NTNG2: variants seen among roughly 807,000 people sequenced by gnomAD.
NTNG2 encodes the protein netrin G2.
Under a neutral mutation model 47.6 loss-of-function variants are expected in NTNG2, and 15 were observed. The observed-to-expected ratio is 0.32, with a 90% CI of 0.21 to 0.49. NTNG2 has a LOEUF of 0.49. Ranked by LOEUF, NTNG2 falls within the 20% of genes least tolerant of loss-of-function variation. The pLI is 0.99. For missense variants in NTNG2, 578 were observed against 764.6 expected (o/e 0.76, Z 2.88); for synonymous variants, 307 against 324.6 (o/e 0.95, Z 0.58).
In NTNG2 at chr9:132,241,005, G is replaced by A; in HGVS notation, c.1318G>A (p.Asp440Asn). Residue 440 changes from aspartate to asparagine, a missense_variant, in exon 7 of 8, where the codon GAC (aspartate) becomes AAC (asparagine). Asp to Asn is a conservative substitution (Grantham distance 23). Coordinates refer to ENST00000393229, the MANE Select transcript of NTNG2 (RefSeq NM_032536.4). ...GGGCGCGGCGGGCCCCAAGTGCGAC[G>A]ACTGCCTCCCCACGCACTACTGGCG... ...REGAAGPKCD[D>N]CLPTHYWRQG... is the part of the protein sequence containing the mutation. The A allele has an allele frequency of 1.2e-6, 2 of 1,609,250 alleles. No homozygotes were observed. The highest frequency in any genetic ancestry group is 1.7e-6 in the Non-Finnish European group (2 of 1,179,334).
At chr9:132,230,520 C>G in intron 4 of NTNG2, 52 bp from the exon 5 acceptor site, 2 of 1,564,156 alleles carry the variant, frequency 1.3e-6, no homozygotes, top group Non-Finnish European at 1.7e-6. Flanking sequence ...GGAGGTGACA[C>G]CCAGGCCCCT....
chr9:132,167,214 A>G (rs548428016), intron 2 of NTNG2, among the ~76,000 whole-genome samples, 170 bp downstream of exon 2: 1 of 152,280 alleles, frequency 6.6e-6, no homozygotes, highest in South Asian at 2.1e-4. Flanking sequence ...CACCTTGGAA[A>G]TGTGTCAAAA....
At chr9:132,211,538 C>T (rs1231635601) in intron 3 of NTNG2, among the ~76,000 whole-genome samples, 2 of 152,154 alleles carry the variant, frequency 1.3e-5, no homozygotes, top group Admixed American at 1.3e-4. Context: ...CTCTGAGACT[C>T]CCAAGATCAG....
intron 3 of NTNG2, among the ~76,000 whole-genome samples, chr9:132,223,884 C>A (rs1248419600): frequency 1.3e-5 from 2 of 152,164 alleles, no homozygotes; most frequent in African/African-American, 4.8e-5. Context: ...GAGTAAAATC[C>A]CGCCTCCGTC....
In NTNG2 at chr9:132,213,345, AAAAAAAAAAAAAAAAAG is replaced by A. The variant is rs1184303196; in HGVS notation, c.858-13501_858-13485del. ...AGACTCCATCTCAAAAAAAAAAAAA[AAAAAAAAAAAAAAAAAG>A]AAGGACTTGAGAGGATTTCCATTAG... On this transcript the variant is annotated intron_variant, in intron 3 of 7. Coordinates refer to ENST00000393229, the MANE Select transcript of NTNG2 (RefSeq NM_032536.4). Among the ~76,000 whole-genome samples, 105 of 28,356 alleles carry A rather than the reference AAAAAAAAAAAAAAAAAG, an allele frequency of 3.7e-3. No individual in the cohort carries two copies. In the African/African-American group the frequency reaches 0.1, roughly 28 times the overall value. 18.6% of individuals were successfully genotyped at this position (28,356 alleles called of 152,430 possible). A position where few individuals can be genotyped will look rare whatever the true frequency, so the allele number is the denominator to read the frequency against.
chr9:132,241,134 A>T, intron 7 of NTNG2, 90 bp downstream of exon 7: 12 of 1,084,822 alleles, frequency 1.1e-5, no homozygotes, highest in East Asian at 6.0e-5. Flanking sequence ...GGGACGGGGC[A>T]GGGGCGGTGG....
chr9:132,166,991 G>A lies in NTNG2; in HGVS notation c.160G>A (p.Val54Met). 4 of 1,614,258 alleles carry A rather than the reference G, an allele frequency of 2.5e-6. No homozygotes were observed. The highest frequency in any genetic ancestry group is 3.4e-6 in the Non-Finnish European group (4 of 1,180,044). The part of the protein sequence containing the change: ...MRLKDYVKVK[V>M]EPSGITCGDP... ...CCTGAAGGACTACGTCAAGGTGAAG[G>A]TGGAGCCCTCAGGCATCACATGTGG... The change falls in exon 2 of 8, where the codon GTG becomes ATG. Residue 54 changes from valine (V) to methionine (M), a missense_variant. Coordinates refer to ENST00000393229, the MANE Select transcript of NTNG2 (RefSeq NM_032536.4).
intron 3 of NTNG2, among the ~76,000 whole-genome samples, chr9:132,220,737 C>T (rs540177565): frequency 2.6e-4 from 40 of 152,246 alleles, no homozygotes; most frequent in African/African-American, 8.2e-4. Context: ...CGTGAGCCAC[C>T]GCACCTGGCT....
At chr9:132,227,338 T>A (rs1564436128) in intron 4 of NTNG2, among the ~76,000 whole-genome samples, 1 of 152,218 alleles carries the variant, frequency 6.6e-6, no homozygotes, top group Non-Finnish European at 1.5e-5. Context: ...TGCTGAATGC[T>A]AAGCTGCCCT....
At chr9:132,177,069 A>C (rs892648513) in intron 2 of NTNG2, among the ~76,000 whole-genome samples, 3 of 152,190 alleles carry the variant, frequency 2.0e-5, no homozygotes, top group Admixed American at 2.0e-4. Flanking sequence ...GGCTCACTGC[A>C]ACCTTCACCT....
intron 2 of NTNG2, among the ~76,000 whole-genome samples, chr9:132,185,857 T>C (rs1015739542): frequency 1.3e-5 from 1 of 75,554 alleles, no homozygotes; most frequent in East Asian, 3.6e-4. Context: ...GGAGGAGGAG[T>C]GGGAGGAGGA....
At chr9:132,172,164 C>G (rs772815584) in intron 2 of NTNG2, among the ~76,000 whole-genome samples, 4 of 152,208 alleles carry the variant, frequency 2.6e-5, no homozygotes, top group Non-Finnish European at 5.9e-5. Context: ...CCTGCCCCCT[C>G]CTTCCTTTCT....
At chr9:132,217,907 T>C (rs979947480) in intron 3 of NTNG2, among the ~76,000 whole-genome samples, 1 of 152,214 alleles carries the variant, frequency 6.6e-6, no homozygotes, top group African/African-American at 2.4e-5. Context: ...CAAACCCCAG[T>C]GGGCACCGCT....
In NTNG2 at chr9:132,226,902, A is replaced by G; in HGVS notation, c.911A>G (p.Gln304Arg). The change falls in exon 4 of 8, where the codon CAG becomes CGG. Residue 304 changes from glutamine (Q) to arginine (R), a missense_variant. By Grantham distance (43) the Gln-to-Arg change is conservative. Coordinates refer to ENST00000393229, the MANE Select transcript of NTNG2 (RefSeq NM_032536.4). The surrounding 1 kb of genome is among the most constrained non-coding windows in gnomAD (Gnocchi z 4.8). ...NLCSMREGSL[Q>R]CECEHNTTGP... ...TGCTCCATGCGCGAGGGCAGCCTGC[A>G]GTGCGAGTGCGAGCACAACACCACC... 1 of 1,612,636 alleles carries G rather than the reference A, an allele frequency of 6.2e-7. No individual in the cohort carries two copies. The highest frequency in any genetic ancestry group is 8.5e-7 in the Non-Finnish European group (1 of 1,179,584).
intron 2 of NTNG2, among the ~76,000 whole-genome samples, chr9:132,183,175 G>C (rs536675864): frequency 6.6e-6 from 1 of 152,246 alleles, no homozygotes; most frequent in South Asian, 2.1e-4. Flanking sequence ...GGGTGCCGAG[G>C]GGTGCCAGCT....
rs112019926 is a variant in NTNG2, at chr9:132,183,539, T to C, written c.214-14427T>C. The stretch of plus-strand genomic sequence containing the variant: ...CACCTCCCCCAGGAAGCCTTCTGAC[T>C]GCCCCAGCCCGTCACCTCCAGGGCT... On this transcript the variant is annotated intron_variant, in intron 2 of 7. Coordinates refer to ENST00000393229, the MANE Select transcript of NTNG2 (RefSeq NM_032536.4). Among the ~76,000 whole-genome samples the C allele has an allele frequency of 2.6e-5, 4 of 152,316 alleles. 1 individual carries two copies. The highest frequency in any genetic ancestry group is 9.6e-5 in the African/African-American group (4 of 41,560).
At position 132,162,569 on chromosome 9, in the gene NTNG2, A is replaced by AGAGTGTGTGT. The variant is rs1247026951; in HGVS notation, c.-484+331_-484+332insAGTGTGTGTG. Among the ~76,000 whole-genome samples, 25 of 112,468 alleles carry AGAGTGTGTGT rather than the reference A, an allele frequency of 2.2e-4. 1 individual carries two copies. The East Asian group carries it at 6.4e-3, about 29-fold the overall frequency. 73.8% of individuals were successfully genotyped at this position (112,468 alleles called of 152,430 possible). ...GTGTGTGTGTGTGAGAGAGAGACAG[A>AGAGTGTGTGT]GTGTGTGTGTGTGTGTGTGTGTGTG... On this transcript the variant is annotated intron_variant, in intron 1 of 7. Coordinates refer to ENST00000393229, the MANE Select transcript of NTNG2 (RefSeq NM_032536.4). This position sits in a 1 kb window ranked among gnomAD's most constrained non-coding sequence, Gnocchi z 4.6.
chr9:132,167,022 C>T lies in NTNG2; in HGVS notation c.191C>T (p.Pro64Leu), dbSNP rs1835542724. The T allele has an allele frequency of 6.2e-7, 1 of 1,614,220 alleles. No homozygotes were observed. The highest frequency in any genetic ancestry group is 1.3e-5 in the African/African-American group (1 of 75,058). ...VEPSGITCGD[P>L]PERFCSHENP... ...CCCTCAGGCATCACATGTGGAGACC[C>T]CCCTGAGAGGTTCTGCTCCCATGTA... The change falls in exon 2 of 8, where the codon CCC (proline) becomes CTC (leucine). Residue 64 changes from proline to leucine, a missense_variant. Pro to Leu is a moderately conservative substitution (Grantham distance 98). Transcript: ENST00000393229.
chr9:132,214,292 C>T (rs1029836217), intron 3 of NTNG2, among the ~76,000 whole-genome samples: 1 of 152,216 alleles, frequency 6.6e-6, no homozygotes, highest in East Asian at 1.9e-4. Flanking sequence ...TGTGGAGTGA[C>T]GGTGCCAGGC....
Sources: allele counts gnomAD v4.1 joint callset (sites outside exome capture counted in the v4.1 genomes callset), GRCh38; gene constraint gnomAD v4.1.1; non-coding constraint Gnocchi (gnomAD v3.1); transcripts MANE v1.5; gene names NCBI Gene and HGNC (gene_info 2026-07-23, HGNC 2026-07-21).